MRPL11: variants seen among roughly 807,000 people sequenced by gnomAD.
MRPL11 encodes the protein large ribosomal subunit protein uL11m.
A neutral mutation model predicts 19.1 loss-of-function variants in MRPL11; 21 were observed. The observed-to-expected ratio is 1.10, with a 90% CI of 0.78 to 1.58. The LOEUF is 1.58. MRPL11 is among the 40% of genes most tolerant of loss of function. MRPL11 has a pLI of 0.00. For missense variants in MRPL11, 242 were observed against 243.9 expected, an observed-to-expected ratio of 0.99 and a Z score of 0.05; for synonymous variants, 108 against 99.7, an observed-to-expected ratio of 1.08 and a Z score of -0.49.
chr11:66,436,568 A>G (rs1254351648), intron 4 of MRPL11, among the ~76,000 whole-genome samples: 1 of 152,128 alleles, frequency 6.6e-6, no homozygotes, highest in South Asian at 2.1e-4. Flanking sequence ...GAAATAATCA[A>G]TTGTCAGCCT....
chr11:66,437,734 C>T (rs1857014347), intron 2 of MRPL11, among the ~76,000 whole-genome samples: 6 of 152,026 alleles, frequency 3.9e-5, no homozygotes, highest in Admixed American at 2.6e-4. Flanking sequence ...ATTAGCCGGG[C>T]GTGGTGGCGG....
rs557447678 is a variant in MRPL11, at chr11:66,438,254, G to T, written c.129C>A (p.Gly43=). 3.5e-5 allele frequency: 57 copies of T among 1,612,740 alleles called. No homozygotes were observed. Among genetic ancestry groups the T allele is most frequent in the Non-Finnish European group, 4.2e-5 (49 of 1,178,838 alleles). Residue 43 remains glycine, a synonymous_variant, in exon 2 of 5, where the codon GGC becomes GGA. Transcript: ENST00000310999. ...PPLGPVLGQR[G]VSINQFCKEF... is the part of the protein sequence containing the mutation. ...CCTTGCAAAACTGGTTGATGGAAAC[G>T]CCTCTCTGTGAGGGAAGCAGAGGGG...
At chr11:66,437,933 G>A (rs1366000196) in intron 2 of MRPL11, among the ~76,000 whole-genome samples, 1 of 152,120 alleles carries the variant, frequency 6.6e-6, no homozygotes, top group Non-Finnish European at 1.5e-5. Context: ...CTCTATTCCT[G>A]CCCTCATTCT....
In MRPL11 at chr11:66,436,159, T is replaced by C. The variant is rs751097573; in HGVS notation, c.474-47A>G. 2.6e-6 allele frequency: 4 copies of C among 1,537,484 alleles called. No individual in the cohort carries two copies. The South Asian group carries it at 3.4e-5, about 13-fold the overall frequency. On this transcript the variant is annotated intron_variant, in intron 4 of 4. Coordinates refer to ENST00000310999, the MANE Select transcript of MRPL11 (RefSeq NM_016050.5). ...TGGTTGGCGCATGATTGGTCACCAG[T>C]GGGAGCTCACAGGACCCTATGTCTT...
Position 66,436,022 on chromosome 11 carries a change from T to C in MRPL11, c.564A>G (p.Glu188=), listed in dbSNP as rs1207076413. Residue 188 remains glutamate, a synonymous_variant, in exon 5 of 5, where the codon GAA becomes GAG. Coordinates refer to ENST00000310999, the MANE Select transcript of MRPL11 (RefSeq NM_016050.5). ...QKEADLAAQE[E]AAKK is the part of the protein sequence containing the mutation. ...GGGGCAAGGGTCACTTCTTGGCAGC[T>C]TCTTCTTGGGCAGCCAAATCTGCCT... The C allele has an allele frequency of 5.6e-6, 9 of 1,613,554 alleles. No individual in the cohort carries two copies. Among genetic ancestry groups the C allele is most frequent in the Non-Finnish European group, 7.6e-6 (9 of 1,179,794 alleles).
chr11:66,438,168 A>G lies in MRPL11; in HGVS notation c.215T>C (p.Val72Ala), dbSNP rs149211554. 1.9e-6 allele frequency: 3 copies of G among 1,610,740 alleles called. No homozygotes were observed. In the African/African-American group the frequency reaches 4.0e-5, roughly 21 times the overall value. Reference protein sequence around the residue: ...EGIPLPTKILVKPDRTFEIKI... With the variant: ...EGIPLPTKILAKPDRTFEIKI... ...GGATCAGAGTCCAGACTCCACCTTC[A>G]CTAAAATCTTGGTAGGCAGAGGAAT... Residue 72 changes from valine (V) to alanine (A), a missense_variant, in exon 2 of 5, where the codon GTG (valine) becomes GCG (alanine). Transcript: ENST00000310999.
chr11:66,436,208 T>A, intron 4 of MRPL11, 96 bp from the exon 5 acceptor site: 1 of 987,728 alleles, frequency 1.0e-6, no homozygotes, highest in Admixed American at 2.1e-5. Context: ...GGGGCCCCTG[T>A]CTCCAAGCCC....
At chr11:66,438,302 G>A in intron 1 of MRPL11, 43 bp from the exon 2 acceptor site, 1 of 1,476,572 alleles carries the variant, frequency 6.8e-7, no homozygotes, top group South Asian at 1.1e-5. Context: ...AGGAGGGGAC[G>A]GCTTCCTATC....
chr11:66,437,265 TG>T lies in MRPL11; in HGVS notation c.314-3del, dbSNP rs780779799. 1.5e-4 allele frequency: 235 copies of T among 1,613,952 alleles called. No homozygotes were observed. The highest frequency in any genetic ancestry group is 1.8e-4 in the Non-Finnish European group (215 of 1,179,938). ...TCACCAGGCCTGCCACCTCTTTCCC[TG>T]GGAGGAAGGAACAAGTGGCTCTTCA... On this transcript the variant is annotated splice_region_variant and splice_polypyrimidine_tract_variant and intron_variant, in intron 3 of 4. Transcript: ENST00000310999.
chr11:66,436,747 C>G (rs1173915699), intron 4 of MRPL11: 1 of 1,172,868 alleles, frequency 8.5e-7, no homozygotes, highest in Non-Finnish European at 1.3e-6. Context: ...GCCTCAGGAG[C>G]AAGCATGAAC....
intron 4 of MRPL11, 72 bp downstream of exon 4, chr11:66,437,032 G>A: frequency 1.3e-6 from 2 of 1,590,084 alleles, no homozygotes; most frequent in Non-Finnish European, 1.7e-6. Context: ...ACTGCAATGG[G>A]CCCTCTCAGC....
At chr11:66,437,878 A>C (rs1005474889) in intron 2 of MRPL11, among the ~76,000 whole-genome samples, 2 of 152,180 alleles carry the variant, frequency 1.3e-5, no homozygotes, top group Admixed American at 6.5e-5. Context: ...CCATCTCAGA[A>C]AAAAAGAAAG....
rs200334869 is a variant in MRPL11, at chr11:66,437,160, A to G, written c.417T>C (p.Ser139=). Residue 139 remains serine, a synonymous_variant, in exon 4 of 5, where the codon TCT becomes TCC. Coordinates refer to ENST00000310999, the MANE Select transcript of MRPL11 (RefSeq NM_016050.5). ...AFALQDVPLS[S]VVRSIIGSAR... ...CAGACCCGATGATGGAGCGGACAAC[A>G]GACGACAGGGGTACATCCTGCAGGG... 1.9e-5 allele frequency: 30 copies of G among 1,614,126 alleles called. No individual in the cohort carries two copies. Among genetic ancestry groups the G allele is most frequent in the African/African-American group, 2.7e-5 (2 of 74,940 alleles).
Position 66,436,003 on chromosome 11 carries a change from A to G in MRPL11, c.*4T>C, listed in dbSNP as rs908080389. On this transcript the variant is annotated 3_prime_UTR_variant, in exon 5 of 5. Transcript: ENST00000310999. ...TTGAAATCTGGGAGTTGGTGGGGCA[A>G]GGGTCACTTCTTGGCAGCTTCTTCT... 3 of 1,611,496 alleles carry G rather than the reference A, an allele frequency of 1.9e-6. No homozygotes were observed. The highest frequency in any genetic ancestry group is 2.5e-6 in the Non-Finnish European group (3 of 1,178,222).
At chr11:66,437,514 C>A in intron 2 of MRPL11, 71 bp from the exon 3 acceptor site, 1 of 1,354,650 alleles carries the variant, frequency 7.4e-7, no homozygotes, top group Non-Finnish European at 1.0e-6. Flanking sequence ...TAATGTCTTG[C>A]CCCCTGCTTC....
rs1273279168 is a variant in MRPL11, at chr11:66,438,214, T to C, written c.169A>G (p.Thr57Ala). The C allele has an allele frequency of 6.2e-7, 1 of 1,614,038 alleles. No homozygotes were observed. The highest frequency in any genetic ancestry group is 1.1e-5 in the South Asian group (1 of 91,084). ...NQFCKEFNER[T>A]KDIKEGIPLP... ...GGAATGCCTTCCTTGATGTCCTTTGTCCTCTCATTGAACTCCTTGCAAAAC... is the reference window on the plus strand; with the variant it reads ...GGAATGCCTTCCTTGATGTCCTTTGCCCTCTCATTGAACTCCTTGCAAAAC... Residue 57 changes from threonine (T) to alanine (A), a missense_variant, in exon 2 of 5, where the codon ACA (threonine) becomes GCA (alanine). Physicochemically the swap from Thr to Ala is moderately conservative, Grantham distance 58. Coordinates refer to ENST00000310999, the MANE Select transcript of MRPL11 (RefSeq NM_016050.5).
chr11:66,437,486 C>A, intron 2 of MRPL11, 43 bp from the exon 3 acceptor site: 1 of 1,583,684 alleles, frequency 6.3e-7, no homozygotes, highest in Non-Finnish European at 8.7e-7. Context: ...TTCCTACTGC[C>A]CCATCCCAGG....
At chr11:66,437,594 C>T (rs1857011077) in intron 2 of MRPL11, 151 bp from the exon 3 acceptor site, 3 of 750,642 alleles carry the variant, frequency 4.0e-6, no homozygotes, top group Non-Finnish European at 6.5e-6. Context: ...AAATCGGGGT[C>T]AGGCGCAGTG....
intron 1 of MRPL11, 123 bp downstream of exon 1, chr11:66,438,509 G>A: frequency 2.3e-6 from 3 of 1,318,710 alleles, no homozygotes; most frequent in Non-Finnish European, 3.1e-6. Flanking sequence ...CATAAAGCGT[G>A]TGAGAAGCAG....
Sources: allele counts gnomAD v4.1 joint callset (sites outside exome capture counted in the v4.1 genomes callset), GRCh38; gene constraint gnomAD v4.1.1; transcripts MANE v1.5; gene names NCBI Gene and HGNC (gene_info 2026-07-23, HGNC 2026-07-21).